The following THSD4 variants were observed in gnomAD, a reference collection of about 807,000 sequenced individuals.
THSD4 encodes the protein thrombospondin type 1 domain containing 4.
Under a neutral mutation model 119.0 loss-of-function variants are expected in THSD4, and 69 were observed. The ratio of observed to expected loss-of-function variants is 0.58; its 90% CI spans 0.48 to 0.71. The LOEUF is 0.71. Ranked by LOEUF, THSD4 falls within the 30% of genes least tolerant of loss-of-function variation. The pLI is 0.00. For missense variants in THSD4, 1,393 were observed against 1,391.1 expected, an observed-to-expected ratio of 1.00 and a Z score of -0.02; for synonymous variants, 524 against 540.4, an observed-to-expected ratio of 0.97 and a Z score of 0.42.
chr15:71,645,206 A>G (rs575295388), intron 7 of THSD4, among the ~76,000 whole-genome samples: 17 of 152,122 alleles, frequency 1.1e-4, no homozygotes, highest in African/African-American at 2.2e-4. Flanking sequence ...TCATGCTGCT[A>G]TGAAGGCCTG....
At chr15:71,619,648 T>C (rs1382594146) in intron 7 of THSD4, among the ~76,000 whole-genome samples, 1 of 152,208 alleles carries the variant, frequency 6.6e-6, no homozygotes, top group African/African-American at 2.4e-5. Flanking sequence ...CTATTCTGTT[T>C]CTTTGTGGCT....
intron 6 of THSD4, among the ~76,000 whole-genome samples, chr15:71,316,079 C>T (rs867746765): frequency 6.6e-6 from 1 of 152,148 alleles, no homozygotes; most frequent in Non-Finnish European, 1.5e-5. Context: ...TTGGGGATAA[C>T]TTCAAAGTTA....
chr15:71,198,610 A>C (rs1340904198), intron 3 of THSD4, among the ~76,000 whole-genome samples: 1 of 152,202 alleles, frequency 6.6e-6, no homozygotes, highest in Non-Finnish European at 1.5e-5. Context: ...TTTGGCCTAG[A>C]GGGTGTTATG....
At chr15:71,144,863 T>C (rs971352729) in intron 2 of THSD4, among the ~76,000 whole-genome samples, 1 of 152,148 alleles carries the variant, frequency 6.6e-6, no homozygotes, top group African/African-American at 2.4e-5. Flanking sequence ...CCATGTAAAA[T>C]TCAGGGCAAT....
At chr15:71,204,943 G>T (rs2043831366) in intron 3 of THSD4, among the ~76,000 whole-genome samples, 1 of 152,106 alleles carries the variant, frequency 6.6e-6, no homozygotes, top group South Asian at 2.1e-4. Context: ...TAGAGCATTT[G>T]GGGGCTAAGG....
chr15:71,715,133 A>G (rs1475683297), intron 8 of THSD4, among the ~76,000 whole-genome samples: 1 of 152,230 alleles, frequency 6.6e-6, no homozygotes, highest in South Asian at 2.1e-4. Context: ...GGACATTAAA[A>G]TTGATATTCA....
At chr15:71,647,043 A>T (rs1443072804) in intron 7 of THSD4, among the ~76,000 whole-genome samples, 2 of 152,348 alleles carry the variant, frequency 1.3e-5, no homozygotes, top group East Asian at 3.9e-4. Context: ...TTTAGCCTTT[A>T]TGCTTACACA....
chr15:71,135,864 C>T (rs1366762882), intron 1 of THSD4, among the ~76,000 whole-genome samples: 2 of 152,090 alleles, frequency 1.3e-5, no homozygotes, highest in African/African-American at 4.8e-5. Context: ...TCCTCCTCCC[C>T]TGTTGGCTCT....
At chr15:71,573,775 A>G (rs1455711952) in intron 7 of THSD4, among the ~76,000 whole-genome samples, 1 of 152,170 alleles carries the variant, frequency 6.6e-6, no homozygotes, top group Non-Finnish European at 1.5e-5. Context: ...AAATGTCAAT[A>G]TGAGCTCTGA....
At chr15:71,602,700 G>A (rs2050037528) in intron 7 of THSD4, among the ~76,000 whole-genome samples, 1 of 152,184 alleles carries the variant, frequency 6.6e-6, no homozygotes, top group African/African-American at 2.4e-5. Context: ...GCAGATTGGT[G>A]GCTGCCAGGG....
At chr15:71,258,324 G>A (rs959947074) in intron 6 of THSD4, among the ~76,000 whole-genome samples, 4 of 152,028 alleles carry the variant, frequency 2.6e-5, no homozygotes, top group African/African-American at 9.7e-5. Context: ...GATTACAGGT[G>A]TGCAACACTA....
rs972553732 is a variant in THSD4, at chr15:71,590,238, C to T, written c.1153-70292C>T. Among the ~76,000 whole-genome samples the T allele has an allele frequency of 3.5e-4, 48 of 138,464 alleles. 11 individuals carry two copies. Among genetic ancestry groups the T allele is most frequent in the Admixed American group, 3.1e-3 (42 of 13,710 alleles). 90.8% of individuals were successfully genotyped at this position (138,464 alleles called of 152,430 possible). On this transcript the variant is annotated intron_variant, in intron 7 of 17. Transcript: ENST00000261862. ...TGAAGACTTGAAATATTCCGTAATA[C>T]GTTTGTTCACAGCAGAATTTCAGAA...
At position 71,564,691 on chromosome 15, in the gene THSD4, A is replaced by G. The variant is rs1595888833; in HGVS notation, c.1153-95839A>G. Reference sequence around the variant, plus strand: ...TATATTATAACATATAATACAATATATAGTATAACATATAATACAATATAT... The same window carrying G: ...TATATTATAACATATAATACAATATGTAGTATAACATATAATACAATATAT... On this transcript the variant is annotated intron_variant, in intron 7 of 17. Coordinates refer to ENST00000261862, the MANE Select transcript of THSD4 (RefSeq NM_024817.3). Among the ~76,000 whole-genome samples, 3 of 18,146 alleles carry G rather than the reference A, an allele frequency of 1.7e-4. 1 individual carries two copies. In the East Asian group the frequency reaches 1.8e-3, roughly 11 times the overall value. 11.9% of individuals were successfully genotyped at this position (18,146 alleles called of 152,430 possible). A position where few individuals can be genotyped will look rare whatever the true frequency, so the allele number is the denominator to read the frequency against.
intron 6 of THSD4, among the ~76,000 whole-genome samples, chr15:71,314,165 TAC>T (rs1411625493): frequency 1.3e-5 from 2 of 152,204 alleles, no homozygotes; most frequent in African/African-American, 4.8e-5. Context: ...GTTTAATAGT[TAC>T]AGTTTACTGA....
At chr15:71,561,176 G>A (rs1387751263) in intron 7 of THSD4, among the ~76,000 whole-genome samples, 3 of 151,772 alleles carry the variant, frequency 2.0e-5, no homozygotes, top group South Asian at 2.1e-4. Context: ...GAGTTTCACC[G>A]TGTTAGCCAG....
At chr15:71,432,860 T>A (rs923267452) in intron 7 of THSD4, among the ~76,000 whole-genome samples, 1 of 152,058 alleles carries the variant, frequency 6.6e-6, no homozygotes, top group Non-Finnish European at 1.5e-5. Context: ...ATAATCTTTT[T>A]AAACAAAAAC....
chr15:71,467,426 T>C (rs2047515824), intron 7 of THSD4, among the ~76,000 whole-genome samples: 1 of 151,960 alleles, frequency 6.6e-6, no homozygotes, highest in Non-Finnish European at 1.5e-5. Context: ...TGATGAAGAG[T>C]GGACAGTCAT....
At chr15:71,739,918 A>G (rs564148560) in intron 11 of THSD4, among the ~76,000 whole-genome samples, 6 of 151,896 alleles carry the variant, frequency 4.0e-5, no homozygotes, top group Admixed American at 2.0e-4. Context: ...AAATTAGCAC[A>G]CTGAAAAATC....
intron 6 of THSD4, among the ~76,000 whole-genome samples, chr15:71,365,677 A>T (rs2045952880): frequency 6.6e-6 from 1 of 152,160 alleles, no homozygotes; most frequent in Non-Finnish European, 1.5e-5. Context: ...GAATCTTGTT[A>T]AGTCCAACCC....
Sources: gnomAD v4.1 joint callset for allele counts (sites outside exome capture counted in the v4.1 genomes callset) on GRCh38, gnomAD v4.1.1 for gene constraint, MANE v1.5 for transcripts, NCBI Gene and HGNC (gene_info 2026-07-23, HGNC 2026-07-21) for gene names.